ANKRD17: variants seen among roughly 807,000 people sequenced by gnomAD.
ANKRD17 encodes the protein ankyrin repeat domain 17.
Under a neutral mutation model 229.7 loss-of-function variants are expected in ANKRD17, and 19 were observed. The ratio of observed to expected loss-of-function variants is 0.08; its 90% CI spans 0.06 to 0.12. The LOEUF (loss-of-function observed/expected upper bound fraction) is 0.12. Among genes scored for constraint, ANKRD17 ranks in the 10% least tolerant of loss-of-function variants. The pLI is 1.00. For missense variants in ANKRD17, 2,176 were observed against 3,176.8 expected, an observed-to-expected ratio of 0.68 and a Z score of 7.57; for synonymous variants, 1,112 against 1,146.1, an observed-to-expected ratio of 0.97 and a Z score of 0.60.
intron 1 of ANKRD17, among the ~76,000 whole-genome samples, chr4:73,233,964 T>C (rs765033247): frequency 6.6e-6 from 1 of 152,202 alleles, no homozygotes; most frequent in African/African-American, 2.4e-5. Flanking sequence ...TTTTGGTTAC[T>C]AGATGGGCTC....
rs770988706 is a variant in ANKRD17, at chr4:73,139,693, C to G, written c.2923G>C (p.Ala975Pro). 6.2e-7 allele frequency: 1 copy of G among 1,614,126 alleles called. No individual in the cohort carries two copies. The highest frequency in any genetic ancestry group is 1.3e-5 in the African/African-American group (1 of 75,044). The change falls in exon 15 of 34, where the codon GCA becomes CCA. Residue 975 changes from alanine (A) to proline (P), a missense_variant. Coordinates refer to ENST00000358602, the MANE Select transcript of ANKRD17 (RefSeq NM_032217.5). ...ACTCCTTGCAGTTCTGTAAGATTTG[C>G]GATGGACCCTGGAGGCAAGGGACCT... ...AAGPLPPGSI[A>P]NLTELQGVIV...
At chr4:73,206,798 G>A (rs1739523463) in intron 1 of ANKRD17, among the ~76,000 whole-genome samples, 5 of 152,136 alleles carry the variant, frequency 3.3e-5, no homozygotes, top group African/African-American at 7.2e-5. Flanking sequence ...ACAATGTACT[G>A]TACACTTGAA....
intron 25 of ANKRD17, chr4:73,099,076 C>G: frequency 3.3e-6 from 3 of 909,538 alleles, no homozygotes; most frequent in Non-Finnish European, 1.8e-6. Context: ...AACCAAGGGG[C>G]AGACCCAAAA....
At chr4:73,099,193 A>G in intron 25 of ANKRD17, 1 of 644,614 alleles carries the variant, frequency 1.6e-6, no homozygotes, top group Non-Finnish European at 2.9e-6. Context: ...TCCTTCTGGG[A>G]CTGGACAGCT....
rs559088395 is a variant in ANKRD17 at position 73,189,546 on chromosome 4, A to C, written c.394-12013T>G. On this transcript the variant is annotated intron_variant, in intron 1 of 33. Transcript: ENST00000358602. ...TGAGCAGCTGGGACTACAGGCGGTC[A>C]CCACCATGCCTGGCTACCATTCCGC... Among the ~76,000 whole-genome samples, 283 of 151,720 alleles carry C rather than the reference A, an allele frequency of 1.9e-3. 1 individual carries two copies. Among genetic ancestry groups the C allele is most frequent in the African/African-American group, 6.6e-3 (271 of 41,356 alleles).
chr4:73,123,866 G>C (rs1040250355), intron 18 of ANKRD17, among the ~76,000 whole-genome samples: 2 of 151,808 alleles, frequency 1.3e-5, no homozygotes, highest in Non-Finnish European at 2.9e-5. Context: ...CAGTTCACTC[G>C]TCAGAATACC....
intron 16 of ANKRD17, among the ~76,000 whole-genome samples, chr4:73,133,038 A>T (rs1392807938): frequency 1.3e-5 from 2 of 152,056 alleles, no homozygotes; most frequent in Non-Finnish European, 2.9e-5. Context: ...CCTGAGGTCA[A>T]CGAGTTTGAA....
At chr4:73,115,335 G>C (rs1355676423) in intron 23 of ANKRD17, among the ~76,000 whole-genome samples, 1 of 152,154 alleles carries the variant, frequency 6.6e-6, no homozygotes, top group East Asian at 1.9e-4. Flanking sequence ...TTGATGCCCA[G>C]GCTGGAGTAC....
intron 1 of ANKRD17, among the ~76,000 whole-genome samples, chr4:73,218,647 A>T (rs1741431198): frequency 6.6e-6 from 1 of 151,386 alleles, no homozygotes; most frequent in South Asian, 2.1e-4. Flanking sequence ...TGTCTCAAAA[A>T]AAAAAAAAAA....
chr4:73,170,451 G>T (rs1733835234), intron 2 of ANKRD17, among the ~76,000 whole-genome samples: 1 of 150,020 alleles, frequency 6.7e-6, no homozygotes, highest in African/African-American at 2.5e-5. Context: ...ACCTGCCTTG[G>T]TTGAGATTCT....
intron 1 of ANKRD17, among the ~76,000 whole-genome samples, chr4:73,218,249 G>T (rs1283408069): frequency 6.6e-6 from 1 of 152,176 alleles, no homozygotes; most frequent in Non-Finnish European, 1.5e-5. Context: ...TAAGTCCACT[G>T]CTGAAAACAT....
chr4:73,080,390 C>T (rs1417694660), intron 30 of ANKRD17, among the ~76,000 whole-genome samples: 3 of 151,926 alleles, frequency 2.0e-5, no homozygotes, highest in Admixed American at 1.3e-4. Flanking sequence ...ATTAGTAAAA[C>T]GGAAACAATA....
chr4:73,084,014 G>A (rs950969180), intron 30 of ANKRD17, among the ~76,000 whole-genome samples: 4 of 150,952 alleles, frequency 2.6e-5, no homozygotes, highest in Non-Finnish European at 5.9e-5. Context: ...ATCTTTACCT[G>A]GAAAACAAAC....
At chr4:73,250,131 T>C (rs1476807187) in intron 1 of ANKRD17, among the ~76,000 whole-genome samples, 1 of 152,222 alleles carries the variant, frequency 6.6e-6, no homozygotes, top group African/African-American at 2.4e-5. Flanking sequence ...TACTAAGCTT[T>C]TACCAAAAAA....
At chr4:73,145,808 C>T (rs1730200412) in intron 10 of ANKRD17, among the ~76,000 whole-genome samples, 1 of 151,820 alleles carries the variant, frequency 6.6e-6, no homozygotes, top group Admixed American at 6.6e-5. Flanking sequence ...CTAAGTGGCC[C>T]CAGCAATAAT....
chr4:73,184,550 A>G (rs981714796), intron 1 of ANKRD17, among the ~76,000 whole-genome samples: 5 of 150,388 alleles, frequency 3.3e-5, no homozygotes, highest in African/African-American at 1.2e-4. Flanking sequence ...AAAAAAAAAA[A>G]AAAGAAAAGA....
chr4:73,240,443 G>GCAAGACTATAAGAATAA (rs1684657769), intron 1 of ANKRD17, among the ~76,000 whole-genome samples: 1 of 141,950 alleles, frequency 7.0e-6, no homozygotes, highest in African/African-American at 2.6e-5. Context: ...GGGCAACACA[G>GCAAGACTATAAGAATAA]CAAGACTATC....
chr4:73,112,991 T>C, intron 24 of ANKRD17: 1 of 696,014 alleles, frequency 1.4e-6, no homozygotes, highest in Non-Finnish European at 1.8e-6. Context: ...TTTTGCCATG[T>C]TGGCCAGGCT....
In ANKRD17 at chr4:73,078,840, G is replaced by A. The variant is rs1433872582; in HGVS notation, c.7210C>T (p.Pro2404Ser). Reference sequence around the variant, plus strand: ...TCTGACCCTAACGGTACTGATGATGGGGCAGGAGATGGTGCACGAACTCCC... The same window carrying A: ...TCTGACCCTAACGGTACTGATGATGAGGCAGGAGATGGTGCACGAACTCCC... ...SSGVRAPSPAPSSVPLGSEKP... is the reference protein window; with the variant it reads ...SSGVRAPSPASSSVPLGSEKP... Residue 2404 changes from proline (P) to serine (S), a missense_variant, in exon 31 of 34, where the codon CCA becomes TCA. Around this residue, in one of 18 missense-constraint regions of ANKRD17, gnomAD observed 87 missense variants for 116.0 expected, o/e 0.75. Transcript: ENST00000358602. 2 of 1,614,130 alleles carry A rather than the reference G, an allele frequency of 1.2e-6. No individual in the cohort carries two copies. The highest frequency in any genetic ancestry group is 1.1e-5 in the South Asian group (1 of 91,080).
Sources: allele counts gnomAD v4.1 joint callset (sites outside exome capture counted in the v4.1 genomes callset), GRCh38; gene constraint gnomAD v4.1.1; regional missense constraint gnomAD v4.1.1; transcripts MANE v1.5; gene names NCBI Gene and HGNC (gene_info 2026-07-23, HGNC 2026-07-21).